Variants in ARHGEF18 observed in about 807,000 individuals in gnomAD.
ARHGEF18 encodes the protein Rho/Rac guanine nucleotide exchange factor 18.
In ARHGEF18, 93 loss-of-function variants were observed where a neutral mutation model predicts 155.7. The observed-to-expected ratio is 0.60, with a 90% confidence interval of 0.50 to 0.71. The LOEUF (loss-of-function observed/expected upper bound fraction) is 0.71. ARHGEF18 is among the 30% of genes least tolerant of loss of function. The pLI, the probability that ARHGEF18 is intolerant of heterozygous loss-of-function variation, is 0.00. For missense variants in ARHGEF18, 1,593 were observed against 1,816.1 expected (o/e 0.88, Z 2.23); for synonymous variants, 742 against 753.1 (o/e 0.99, Z 0.24).
intron 10 of ARHGEF18, among the ~76,000 whole-genome samples, chr19:7,401,629 C>T (rs2145571313): frequency 6.6e-6 from 1 of 152,284 alleles, no homozygotes; most frequent in Non-Finnish European, 1.5e-5. Context: ...AACCCTCATA[C>T]ACTGCTGGTG....
In ARHGEF18 at chr19:7,456,000, G is replaced by A. The variant is rs554554173; in HGVS notation, c.2105-327G>A. On this transcript the variant is annotated intron_variant, in intron 17 of 28. Coordinates refer to ENST00000668164, the MANE Select transcript of ARHGEF18 (RefSeq NM_001367823.1). ...ATGTGGGTGGGGACGCAGCCAAACC[G>A]TATCAGATTCTCAAAGGTCAGACCC... Among the ~76,000 whole-genome samples the A allele has an allele frequency of 3.3e-5, 5 of 152,326 alleles. No homozygotes were observed. In the East Asian group the frequency reaches 5.8e-4, roughly 18 times the overall value.
intron 2 of ARHGEF18, among the ~76,000 whole-genome samples, chr19:7,369,465 A>T (rs1179205308): frequency 4.3e-5 from 6 of 138,526 alleles, no homozygotes; most frequent in Admixed American, 7.0e-5. Flanking sequence ...CCGTCTCAGG[A>T]AAAAAAAGAA....
rs992465135 is a variant in ARHGEF18 at position 7,471,102 on chromosome 19, G to A, written c.*804G>A. On this transcript the variant is annotated 3_prime_UTR_variant, in exon 29 of 29. Coordinates refer to ENST00000668164, the MANE Select transcript of ARHGEF18 (RefSeq NM_001367823.1). The surrounding 1 kb of genome is among the most constrained non-coding windows in gnomAD (Gnocchi z 4.4). ...ACACGCTCAGCCTGTCTGGGGGAGC[G>A]GGCCTCTAGCTTCAGCCAGGGCGGG... 3 of 318,310 alleles carry A rather than the reference G, an allele frequency of 9.4e-6. No individual in the cohort carries two copies. The highest frequency in any genetic ancestry group is 1.1e-5 in the Non-Finnish European group (2 of 175,846). The allele number at this position is 318,310 out of a possible 1,614,324, so 19.7% of individuals were successfully genotyped here.
chr19:7,460,696 C>T (rs560692212), intron 20 of ARHGEF18, among the ~76,000 whole-genome samples: 2 of 152,280 alleles, frequency 1.3e-5, no homozygotes, highest in South Asian at 2.1e-4. Context: ...TTCGCCCGCG[C>T]TCAGTGAGCA....
intron 23 of ARHGEF18, 43 bp from the exon 24 acceptor site, chr19:7,466,875 G>T (rs1288483345): frequency 2.5e-6 from 4 of 1,583,426 alleles, no homozygotes; most frequent in Non-Finnish European, 3.5e-6. Flanking sequence ...AGTCGGATGG[G>T]TCTTGAGCCA....
At chr19:7,380,625 A>G (rs918587457) in intron 7 of ARHGEF18, among the ~76,000 whole-genome samples, 2 of 148,918 alleles carry the variant, frequency 1.3e-5, no homozygotes, top group South Asian at 2.6e-4. Context: ...TCGAGGCTGC[A>G]GTGAGCTGTG....
intron 1 of ARHGEF18, among the ~76,000 whole-genome samples, chr19:7,352,721 G>A (rs1969188634): frequency 6.6e-6 from 1 of 150,466 alleles, no homozygotes; most frequent in Non-Finnish European, 1.5e-5. Context: ...TTTCAGTAGA[G>A]ACGGGGTTTC....
chr19:7,467,715 T>TG (rs1176427464), intron 26 of ARHGEF18, 31 bp downstream of exon 26: 14 of 1,437,308 alleles, frequency 9.7e-6, no homozygotes, highest in Admixed American at 3.0e-5. Context: ...GTGCGCAGGT[T>TG]GGGGGTGACC....
At chr19:7,364,322 TGAG>T (rs1969780198) in intron 2 of ARHGEF18, among the ~76,000 whole-genome samples, 1 of 126,148 alleles carries the variant, frequency 7.9e-6, no homozygotes, top group Non-Finnish European at 1.6e-5. Flanking sequence ...AATGGATAGA[TGAG>T]AAGAAGGATG....
intron 10 of ARHGEF18, among the ~76,000 whole-genome samples, chr19:7,407,983 A>AAAAAACAAAAAAAAAC (rs1555711562): frequency 2.1e-5 from 3 of 141,870 alleles, no homozygotes; most frequent in African/African-American, 9.2e-5. Context: ...AAAAAAAAAA[A>AAAAAACAAAAAAAAAC]AAAAGAGGTA....
At chr19:7,437,182 A>G (rs1211045164) in intron 10 of ARHGEF18, among the ~76,000 whole-genome samples, 1 of 152,020 alleles carries the variant, frequency 6.6e-6, no homozygotes, top group African/African-American at 2.4e-5. Context: ...TAATCCCAGC[A>G]CTTAGGGAGG....
At chr19:7,413,064 A>G (rs1160585526) in intron 10 of ARHGEF18, among the ~76,000 whole-genome samples, 1 of 152,102 alleles carries the variant, frequency 6.6e-6, no homozygotes, top group Non-Finnish European at 1.5e-5. Flanking sequence ...GATCAAACAC[A>G]TGGAAATAGA....
chr19:7,473,746 C>T (rs1021302667), downstream of ARHGEF18, among the ~76,000 whole-genome samples: 2 of 142,512 alleles, frequency 1.4e-5, no homozygotes, highest in Non-Finnish European at 3.0e-5. Flanking sequence ...GGAGGCGGAG[C>T]TTGCGGTGAG....
At chr19:7,379,270 G>C in intron 7 of ARHGEF18, 104 bp downstream of exon 7, 1 of 1,077,604 alleles carries the variant, frequency 9.3e-7, no homozygotes, top group African/African-American at 1.6e-5. Context: ...AGAGAAGACT[G>C]GGTGAGGGCT....
rs1422671595 is a variant in ARHGEF18, at chr19:7,462,982, C to T, written c.2635+648C>T. Among the ~76,000 whole-genome samples the T allele has an allele frequency of 6.6e-6, 1 of 151,744 alleles. No homozygotes were observed. The highest frequency in any genetic ancestry group is 2.4e-5 in the African/African-American group (1 of 41,242). On this transcript the variant is annotated intron_variant, in intron 21 of 28. Transcript: ENST00000668164. The surrounding 1 kb of genome is among the most constrained non-coding windows in gnomAD (Gnocchi z 4.4). ...CTGGGTAGCTGGGATTACAGGCACC[C>T]ACCACCACGCCCAGCTAATTTTTGT...
intron 2 of ARHGEF18, among the ~76,000 whole-genome samples, chr19:7,369,016 G>C (rs1449513095): frequency 6.6e-6 from 1 of 152,222 alleles, no homozygotes; most frequent in Non-Finnish European, 1.5e-5. Flanking sequence ...GGAAACAGCA[G>C]AGTGAGTCCT....
At chr19:7,465,462 G>A (rs1976555293) in intron 23 of ARHGEF18, among the ~76,000 whole-genome samples, 1 of 151,138 alleles carries the variant, frequency 6.6e-6, no homozygotes, top group South Asian at 2.1e-4. Flanking sequence ...AGGCTTGAGG[G>A]CAGTGGCGTG....
intron 10 of ARHGEF18, among the ~76,000 whole-genome samples, chr19:7,399,043 T>C (rs1971884557): frequency 6.6e-6 from 1 of 152,250 alleles, no homozygotes; most frequent in Admixed American, 6.5e-5. Flanking sequence ...ACATTTTTGC[T>C]GCCACCTCTC....
chr19:7,374,305 A>T (rs1425910426), intron 3 of ARHGEF18, among the ~76,000 whole-genome samples: 1 of 151,500 alleles, frequency 6.6e-6, no homozygotes, highest in Admixed American at 6.6e-5. Flanking sequence ...AGCCCAAAAA[A>T]CCCTCTTCTA....
Sources: allele counts gnomAD v4.1 joint callset (sites outside exome capture counted in the v4.1 genomes callset), GRCh38; gene constraint gnomAD v4.1.1; non-coding constraint Gnocchi (gnomAD v3.1); transcripts MANE v1.5; gene names NCBI Gene and HGNC (gene_info 2026-07-23, HGNC 2026-07-21).